Variants in FBXL7 observed in about 807,000 individuals in gnomAD.
FBXL7 encodes F-box and leucine rich repeat protein 7.
Under a neutral mutation model 38.3 loss-of-function variants are expected in FBXL7, and 12 were observed. That is an observed-to-expected ratio of 0.31 (90% CI 0.20 to 0.51). FBXL7 has a LOEUF of 0.51. Among genes scored for constraint, FBXL7 ranks in the 20% least tolerant of loss-of-function variants. FBXL7 has a pLI of 0.98. For missense variants in FBXL7, 567 were observed against 676.4 expected (o/e 0.84, Z 1.79); for synonymous variants, 297 against 300.9 (o/e 0.99, Z 0.13).
chr5:15,558,788 A>T (rs1738326475), intron 1 of FBXL7, among the ~76,000 whole-genome samples: 1 of 152,180 alleles, frequency 6.6e-6, no homozygotes, highest in Non-Finnish European at 1.5e-5. Flanking sequence ...TGTCTATTCT[A>T]TGGAGTCTCA....
intron 2 of FBXL7, among the ~76,000 whole-genome samples, chr5:15,884,076 C>T (rs1434506894): frequency 2.0e-5 from 3 of 152,140 alleles, no homozygotes; most frequent in Admixed American, 6.5e-5. Flanking sequence ...GGCTGCAAGT[C>T]CAAGATCAAA....
chr5:15,896,739 T>C (rs754121912), intron 2 of FBXL7, among the ~76,000 whole-genome samples: 10 of 151,756 alleles, frequency 6.6e-5, no homozygotes, highest in Non-Finnish European at 1.5e-4. Flanking sequence ...TATGCCTTAA[T>C]AACTCAATCT....
intron 2 of FBXL7, among the ~76,000 whole-genome samples, chr5:15,695,261 A>G (rs537794314): frequency 4.0e-4 from 61 of 152,138 alleles, no homozygotes; most frequent in Admixed American, 2.5e-3. Flanking sequence ...ATCCTCCCCC[A>G]AAACAGCTCC....
intron 1 of FBXL7, among the ~76,000 whole-genome samples, chr5:15,573,973 C>A (rs1321803306): frequency 6.6e-6 from 1 of 152,174 alleles, no homozygotes; most frequent in Non-Finnish European, 1.5e-5. Flanking sequence ...ATTGTTCTTA[C>A]ATTCAGTATA....
At chr5:15,735,439 A>G (rs1212925024) in intron 2 of FBXL7, among the ~76,000 whole-genome samples, 1 of 152,228 alleles carries the variant, frequency 6.6e-6, no homozygotes, top group Non-Finnish European at 1.5e-5. Flanking sequence ...GTGTGTAAGC[A>G]GTGATGATGG....
In FBXL7 at chr5:15,616,024, A is replaced by G; in HGVS notation, c.79A>G (p.Thr27Ala). ...CATCTCATCTGACGTGAGTTCAAGT[A>G]CAGATCACACGCCCACTAAAGCCCA... ...SSISSDVSSS[T>A]DHTPTKAQKN... Residue 27 changes from threonine (T) to alanine (A), a missense_variant, in exon 2 of 4, where the codon ACA (threonine) becomes GCA (alanine). Physicochemically the swap from Thr to Ala is moderately conservative, Grantham distance 58. Coordinates refer to ENST00000504595, the MANE Select transcript of FBXL7 (RefSeq NM_012304.5). 5 of 1,613,588 alleles carry G rather than the reference A, an allele frequency of 3.1e-6. No individual in the cohort carries two copies. The highest frequency in any genetic ancestry group is 4.2e-6 in the Non-Finnish European group (5 of 1,179,634).
At chr5:15,556,034 TCTA>T (rs1240763622) in intron 1 of FBXL7, among the ~76,000 whole-genome samples, 1 of 151,100 alleles carries the variant, frequency 6.6e-6, no homozygotes, top group East Asian at 2.0e-4. Flanking sequence ...CAGTCTATCA[TCTA>T]CTTATCATCT....
intron 2 of FBXL7, among the ~76,000 whole-genome samples, chr5:15,868,499 C>T (rs939941716): frequency 1.3e-5 from 2 of 152,246 alleles, no homozygotes; most frequent in South Asian, 4.1e-4. Context: ...TGTTTAGTAC[C>T]CAGCATCAAT....
chr5:15,575,802 A>G (rs1321564859), intron 1 of FBXL7, among the ~76,000 whole-genome samples: 1 of 152,184 alleles, frequency 6.6e-6, no homozygotes, highest in African/African-American at 2.4e-5. Flanking sequence ...ATCTGTAGCT[A>G]CTTATTCCTT....
At chr5:15,843,384 G>A (rs184642837) in intron 2 of FBXL7, among the ~76,000 whole-genome samples, 21 of 152,234 alleles carry the variant, frequency 1.4e-4, no homozygotes, top group Admixed American at 1.3e-3. Flanking sequence ...GCTTCACAAG[G>A]TCATAGATTT....
At chr5:15,739,188 C>T (rs1298177200) in intron 2 of FBXL7, among the ~76,000 whole-genome samples, 1 of 152,150 alleles carries the variant, frequency 6.6e-6, no homozygotes, top group Non-Finnish European at 1.5e-5. Context: ...CCCGCATCTC[C>T]AGCTGGGCCT....
chr5:15,871,830 T>C (rs796072868), intron 2 of FBXL7, among the ~76,000 whole-genome samples: 9 of 152,218 alleles, frequency 5.9e-5, no homozygotes, highest in African/African-American at 2.2e-4. Flanking sequence ...CTGAAAGTGA[T>C]GGGGAGAATG....
intron 2 of FBXL7, among the ~76,000 whole-genome samples, chr5:15,840,143 C>G (rs1174042901): frequency 6.6e-6 from 1 of 152,192 alleles, no homozygotes; most frequent in African/African-American, 2.4e-5. Flanking sequence ...TTTGTTCCAT[C>G]CCAGTCTTTC....
At chr5:15,637,206 G>A (rs1292734362) in intron 2 of FBXL7, among the ~76,000 whole-genome samples, 2 of 152,094 alleles carry the variant, frequency 1.3e-5, no homozygotes, top group Non-Finnish European at 2.9e-5. Flanking sequence ...GTCATATAAC[G>A]GTGGAACTTT....
intron 1 of FBXL7, among the ~76,000 whole-genome samples, chr5:15,542,866 C>T (rs1012385029): frequency 4.6e-5 from 7 of 152,230 alleles, no homozygotes; most frequent in African/African-American, 1.2e-4. Flanking sequence ...CCACTTTACA[C>T]GAACAAGATC....
At chr5:15,610,168 C>T (rs544039251) in intron 1 of FBXL7, among the ~76,000 whole-genome samples, 74 of 152,302 alleles carry the variant, frequency 4.9e-4, no homozygotes, top group African/African-American at 8.9e-4. Context: ...CCAGAACACG[C>T]GGGAATTTTG....
At chr5:15,645,534 G>A (rs1299417701) in intron 2 of FBXL7, among the ~76,000 whole-genome samples, 2 of 152,020 alleles carry the variant, frequency 1.3e-5, no homozygotes, top group African/African-American at 2.4e-5. Flanking sequence ...TCCTGTCTTC[G>A]TAAAATGTGT....
chr5:15,693,505 C>A (rs953988427), intron 2 of FBXL7, among the ~76,000 whole-genome samples: 5 of 152,142 alleles, frequency 3.3e-5, no homozygotes. Flanking sequence ...AGTGCAGGGT[C>A]TCTGGCAAGG....
At chr5:15,766,012 A>G (rs1392733084) in intron 2 of FBXL7, among the ~76,000 whole-genome samples, 5 of 145,444 alleles carry the variant, frequency 3.4e-5, no homozygotes, top group East Asian at 2.0e-4. Context: ...AGCTTCATCT[A>G]TATCTGTCTG....
Sources: allele counts gnomAD v4.1 joint callset (sites outside exome capture counted in the v4.1 genomes callset), GRCh38; gene constraint gnomAD v4.1.1; transcripts MANE v1.5; gene names NCBI Gene and HGNC (gene_info 2026-07-23, HGNC 2026-07-21).